The following RASSF8 variants were observed in gnomAD, a reference collection of about 807,000 sequenced individuals.
RASSF8 encodes the protein ras association domain-containing protein 8.
Under a neutral mutation model 48.5 loss-of-function variants are expected in RASSF8, and 22 were observed. The ratio of observed to expected loss-of-function variants is 0.45; its 90% CI spans 0.32 to 0.65. RASSF8 has a LOEUF of 0.65. Ranked by LOEUF, RASSF8 falls within the 30% of genes least tolerant of loss-of-function variation. The pLI is 0.03. For missense variants in RASSF8, 418 were observed against 489.2 expected (o/e 0.85, Z 1.37); for synonymous variants, 127 against 171.5 (o/e 0.74, Z 2.03).
rs142459653 is a variant in RASSF8 at position 25,993,260 on chromosome 12, A to G, written c.-202-1777A>G. Among the ~76,000 whole-genome samples, 459 of 152,364 alleles carry G rather than the reference A, an allele frequency of 3.0e-3. 3 individuals carry two copies. The highest frequency in any genetic ancestry group is 0.011 in the African/African-American group (445 of 41,596). On this transcript the variant is annotated intron_variant, in intron 1 of 5. Transcript: ENST00000689635. ...ATATGTTAGTGTCAGTTTGAATTAC[A>G]TATGGGAGAATAAGCACCATAATCT...
At chr12:26,077,373 A>G (rs1019143111), downstream of RASSF8, among the ~76,000 whole-genome samples, 2 of 152,110 alleles carry the variant, frequency 1.3e-5, no homozygotes, top group Non-Finnish European at 2.9e-5. Flanking sequence ...TGGGTTTTCT[A>G]CTAGGGTTTT....
intron 2 of RASSF8, among the ~76,000 whole-genome samples, chr12:26,005,031 AG>A (rs1384598246): frequency 6.6e-6 from 1 of 152,170 alleles, no homozygotes; most frequent in Non-Finnish European, 1.5e-5. Flanking sequence ...ATGAAAAATA[AG>A]GTTTCATTCT....
intron 2 of RASSF8, among the ~76,000 whole-genome samples, chr12:26,046,303 G>A (rs1349943980): frequency 6.6e-6 from 1 of 152,158 alleles, no homozygotes; most frequent in Admixed American, 6.5e-5. Flanking sequence ...TGCAAACTTT[G>A]CTAATAACTT....
chr12:26,068,337 C>T (rs909492989), intron 5 of RASSF8, among the ~76,000 whole-genome samples: 5 of 152,112 alleles, frequency 3.3e-5, no homozygotes, highest in African/African-American at 1.2e-4. Flanking sequence ...TGAATTTTGG[C>T]TTCTCTGTTC....
intron 2 of RASSF8, among the ~76,000 whole-genome samples, chr12:26,007,622 A>G (rs1219395391): frequency 6.6e-6 from 1 of 152,216 alleles, no homozygotes; most frequent in African/African-American, 2.4e-5. Context: ...CTACTCTCAC[A>G]GGAAGTAGCC....
intron 3 of RASSF8, among the ~76,000 whole-genome samples, chr12:26,061,835 A>T (rs903394512): frequency 2.0e-5 from 3 of 152,162 alleles, no homozygotes; most frequent in East Asian, 1.9e-4. Context: ...TGCCTTTTTT[A>T]AAAAAAGCTT....
At position 26,068,772 on chromosome 12, in the gene RASSF8, A is replaced by G. The variant is rs1300384443; in HGVS notation, c.1214A>G (p.Gln405Arg). 3 of 1,537,156 alleles carry G rather than the reference A, an allele frequency of 2.0e-6. No homozygotes were observed. The highest frequency in any genetic ancestry group is 1.2e-5 in the South Asian group (1 of 84,066). ...CTCCCCAGTAATCTCCGCATTCTGCAGAATCCTATCTCATCTGGTTTTAAT... is the reference window on the plus strand; with the variant it reads ...CTCCCCAGTAATCTCCGCATTCTGCGGAATCCTATCTCATCTGGTTTTAAT... ...RQLPSNLRIL[Q>R]NPISSGFNPE... The change falls in exon 6 of 6, where the codon CAG (glutamine) becomes CGG (arginine). Residue 405 changes from glutamine to arginine, a missense_variant. By Grantham distance (43) the Gln-to-Arg change is conservative. Coordinates refer to ENST00000689635, the MANE Select transcript of RASSF8 (RefSeq NM_001394098.1).
At chr12:25,967,806 G>C (rs538776812) in intron 1 of RASSF8, among the ~76,000 whole-genome samples, 1 of 152,182 alleles carries the variant, frequency 6.6e-6, no homozygotes, top group Admixed American at 6.5e-5. Flanking sequence ...TGCTCTCTGG[G>C]GAGGACAGGC....
At chr12:26,079,184 C>A in exon 6 of RASSF8, 1 of 698,708 alleles carries the variant, frequency 1.4e-6, no homozygotes, top group Non-Finnish European at 2.3e-6. Flanking sequence ...AAAAGGTGGA[C>A]TGTAGATTGG....
intron 2 of RASSF8, among the ~76,000 whole-genome samples, chr12:26,040,961 C>T (rs949158317): frequency 2.6e-5 from 4 of 151,116 alleles, no homozygotes; most frequent in Non-Finnish European, 5.9e-5. Context: ...GATCTCAGCT[C>T]ACTGCAAGCG....
chr12:26,003,927 A>G (rs1401241120), intron 2 of RASSF8, among the ~76,000 whole-genome samples: 2 of 152,206 alleles, frequency 1.3e-5, no homozygotes, highest in East Asian at 1.9e-4. Flanking sequence ...ATGTAATCCT[A>G]GCACTTTAGG....
intron 2 of RASSF8, among the ~76,000 whole-genome samples, chr12:26,028,679 C>A (rs1235379185): frequency 6.6e-6 from 1 of 152,042 alleles, no homozygotes; most frequent in Non-Finnish European, 1.5e-5. Context: ...GTTGTCAGCT[C>A]CTTCTTGTAT....
At chr12:25,994,232 T>C (rs1234447262) in intron 1 of RASSF8, among the ~76,000 whole-genome samples, 1 of 151,656 alleles carries the variant, frequency 6.6e-6, no homozygotes, top group Non-Finnish European at 1.5e-5. Flanking sequence ...TTGGGGGCGG[T>C]ATTTTCTATT....
Position 26,070,014 on chromosome 12 carries a change from C to CT in RASSF8, c.*1201dup. 1.0e-6 allele frequency: 1 copy of CT among 977,722 alleles called. No individual in the cohort carries two copies. Among genetic ancestry groups the CT allele is most frequent in the Non-Finnish European group, 1.2e-6 (1 of 822,918 alleles). The allele number at this position is 977,722 out of a possible 1,614,324, so 60.6% of individuals were successfully genotyped here. On this transcript the variant is annotated 3_prime_UTR_variant, in exon 6 of 6. Coordinates refer to ENST00000689635, the MANE Select transcript of RASSF8 (RefSeq NM_001394098.1). Reference sequence around the variant, plus strand: ...TGTAAAACCAAATATGACTCAACACCTTTTTGATGAGTAGTGACTTAACTA... The same window carrying CT: ...TGTAAAACCAAATATGACTCAACACCTTTTTTGATGAGTAGTGACTTAACTA...
At chr12:25,989,026 A>G (rs570666160) in intron 1 of RASSF8, among the ~76,000 whole-genome samples, 1 of 152,350 alleles carries the variant, frequency 6.6e-6, no homozygotes, top group Admixed American at 6.5e-5. Context: ...GGAATTCTGC[A>G]AACTCACTGT....
intron 2 of RASSF8, among the ~76,000 whole-genome samples, chr12:26,048,792 C>T (rs979628522): frequency 1.3e-5 from 2 of 151,722 alleles, no homozygotes; most frequent in Non-Finnish European, 2.9e-5. Flanking sequence ...TCACTCTTGT[C>T]GCCCAGGCTG....
intron 2 of RASSF8, among the ~76,000 whole-genome samples, chr12:26,044,964 T>A (rs1210277407): frequency 6.6e-6 from 1 of 152,170 alleles, no homozygotes; most frequent in African/African-American, 2.4e-5. Flanking sequence ...TCTCTTCAAA[T>A]TTGGCTACAC....
chr12:26,045,341 G>T (rs1943350163), intron 2 of RASSF8, among the ~76,000 whole-genome samples: 2 of 152,094 alleles, frequency 1.3e-5, no homozygotes, highest in Admixed American at 1.3e-4. Context: ...TGCTTTGCCT[G>T]CTGTGCTCAT....
At chr12:26,019,599 GTGTGTC>G (rs1380426122) in intron 2 of RASSF8, among the ~76,000 whole-genome samples, 53 of 139,496 alleles carry the variant, frequency 3.8e-4, no homozygotes, top group African/African-American at 1.4e-3. Flanking sequence ...GTGTGTGTGT[GTGTGTC>G]TGTGTGTGTC....
Sources: gnomAD v4.1 joint callset for allele counts (sites outside exome capture counted in the v4.1 genomes callset) on GRCh38, gnomAD v4.1.1 for gene constraint, MANE v1.5 for transcripts, NCBI Gene and HGNC (gene_info 2026-07-23, HGNC 2026-07-21) for gene names.